The following ITFG1 variants were observed in gnomAD, a reference collection of about 807,000 sequenced individuals.
ITFG1 encodes T-cell immunomodulatory protein.
A neutral mutation model predicts 81.8 loss-of-function variants in ITFG1; 34 were observed. The ratio of observed to expected loss-of-function variants is 0.42; its 90% CI spans 0.32 to 0.55. The LOEUF is 0.55. ITFG1 is among the 20% of genes least tolerant of loss of function. ITFG1 has a pLI of 0.17. For synonymous variants in ITFG1, 285 were observed against 270.6 expected (o/e 1.05, Z -0.52); for missense variants, 672 against 755.4 (o/e 0.89, Z 1.29).
chr16:47,322,449 G>T (rs889802762), intron 8 of ITFG1, among the ~76,000 whole-genome samples: 3 of 152,164 alleles, frequency 2.0e-5, no homozygotes, highest in Non-Finnish European at 4.4e-5. Flanking sequence ...AGCCCTTTGG[G>T]ACACCGAGGT....
chr16:47,356,291 G>A (rs1363642013), intron 8 of ITFG1, among the ~76,000 whole-genome samples: 1 of 152,166 alleles, frequency 6.6e-6, no homozygotes, highest in Admixed American at 6.5e-5. Context: ...CTATTTTTGA[G>A]CATTATGAAA....
At chr16:47,256,682 TAATAATGA>T (rs1441324984) in intron 12 of ITFG1, among the ~76,000 whole-genome samples, 6 of 152,214 alleles carry the variant, frequency 3.9e-5, no homozygotes, top group African/African-American at 9.6e-5. Flanking sequence ...GTGGCTGCAG[TAATAATGA>T]AGATAGGTGA....
At chr16:47,405,877 T>A (rs1313090806) in intron 6 of ITFG1, among the ~76,000 whole-genome samples, 1 of 152,206 alleles carries the variant, frequency 6.6e-6, no homozygotes, top group East Asian at 1.9e-4. Context: ...TAAGTCCTGG[T>A]TCTAATAATA....
At chr16:47,363,458 C>T (rs1021970396) in intron 8 of ITFG1, among the ~76,000 whole-genome samples, 71 of 151,970 alleles carry the variant, frequency 4.7e-4, no homozygotes, top group Non-Finnish European at 9.4e-4. Context: ...CAGCCTTGAC[C>T]CCCTGTGCTC....
chr16:47,222,824 C>CT (rs1304180124), intron 13 of ITFG1, among the ~76,000 whole-genome samples: 2 of 152,156 alleles, frequency 1.3e-5, no homozygotes, highest in African/African-American at 4.8e-5. Flanking sequence ...TTACTTCCAA[C>CT]TATGTGGTCA....
chr16:47,427,588 T>C (rs753686483), intron 6 of ITFG1, among the ~76,000 whole-genome samples: 3 of 151,998 alleles, frequency 2.0e-5, no homozygotes, highest in Non-Finnish European at 4.4e-5. Context: ...ATCGCACCAC[T>C]GCACTACAGC....
chr16:47,353,560 G>T (rs1967996624), intron 8 of ITFG1, among the ~76,000 whole-genome samples: 1 of 152,042 alleles, frequency 6.6e-6, no homozygotes, highest in African/African-American at 2.4e-5. Context: ...GAGCAATTAT[G>T]TGAAAGATAT....
intron 14 of ITFG1, among the ~76,000 whole-genome samples, chr16:47,209,248 C>G (rs1965536361): frequency 6.6e-6 from 1 of 152,112 alleles, no homozygotes; most frequent in African/African-American, 2.4e-5. Context: ...ATCATTGTAA[C>G]TGTAAAATAA....
chr16:47,373,860 A>C (rs1169909823), intron 7 of ITFG1, among the ~76,000 whole-genome samples: 2 of 152,168 alleles, frequency 1.3e-5, no homozygotes, highest in Non-Finnish European at 2.9e-5. Context: ...TTTTTGGCAA[A>C]TTAGTATGTG....
chr16:47,337,286 T>A (rs1233474403), intron 8 of ITFG1, among the ~76,000 whole-genome samples: 1 of 151,608 alleles, frequency 6.6e-6, no homozygotes, highest in African/African-American at 2.4e-5. Context: ...TAAAAAAGAA[T>A]CACAGCCAGG....
At chr16:47,375,089 C>T (rs764465702) in intron 7 of ITFG1, among the ~76,000 whole-genome samples, 12 of 152,150 alleles carry the variant, frequency 7.9e-5, no homozygotes, top group African/African-American at 1.2e-4. Context: ...AATTAAAATT[C>T]GATAAATGCC....
rs1968473180 is a variant in ITFG1 at position 47,387,166 on chromosome 16, G to C, written c.656-11226C>G. Among the ~76,000 whole-genome samples, 8 of 152,312 alleles carry C rather than the reference G, an allele frequency of 5.3e-5. No individual in the cohort carries two copies. In the South Asian group the frequency reaches 1.7e-3, roughly 32 times the overall value. ...AGTGTGATCCAGAAGGAGACAAAGA[G>C]AGCCCTGCTAAAACCACTGTCATAC... is the stretch of plus-strand genomic sequence containing the variant. On this transcript the variant is annotated intron_variant, in intron 6 of 17. Transcript: ENST00000320640.
chr16:47,348,375 T>C (rs1277500048), intron 8 of ITFG1, among the ~76,000 whole-genome samples: 7 of 152,204 alleles, frequency 4.6e-5, no homozygotes, highest in Non-Finnish European at 2.9e-5. Context: ...AAGGACCTGA[T>C]GGAGCTGAAA....
intron 8 of ITFG1, among the ~76,000 whole-genome samples, chr16:47,351,038 C>T (rs759361604): frequency 3.9e-5 from 6 of 152,148 alleles, no homozygotes; most frequent in Non-Finnish European, 7.3e-5. Flanking sequence ...TCTCAATAAA[C>T]TAGGTATTGA....
intron 8 of ITFG1, among the ~76,000 whole-genome samples, chr16:47,349,253 G>T (rs1472741688): frequency 1.3e-5 from 2 of 152,072 alleles, no homozygotes; most frequent in African/African-American, 4.8e-5. Context: ...CCAATTAAAA[G>T]GCACGGACTG....
At chr16:47,329,195 C>A (rs531106942) in intron 8 of ITFG1, among the ~76,000 whole-genome samples, 2 of 151,840 alleles carry the variant, frequency 1.3e-5, no homozygotes, top group African/African-American at 4.8e-5. Flanking sequence ...GGGCAGAAGA[C>A]GAGAATCAAA....
At chr16:47,341,400 G>GAA (rs545419792) in intron 8 of ITFG1, among the ~76,000 whole-genome samples, 4 of 64,320 alleles carry the variant, frequency 6.2e-5, no homozygotes, top group East Asian at 4.9e-4. Flanking sequence ...CTGCGCCACT[G>GAA]AAAAAAAAAA....
intron 14 of ITFG1, among the ~76,000 whole-genome samples, chr16:47,213,243 A>G (rs989817489): frequency 3.9e-5 from 6 of 152,060 alleles, no homozygotes; most frequent in African/African-American, 1.4e-4. Flanking sequence ...TTCTATTTTA[A>G]GTTCATTGTG....
chr16:47,223,593 AG>A (rs1052169245), intron 13 of ITFG1, among the ~76,000 whole-genome samples: 27 of 152,288 alleles, frequency 1.8e-4, no homozygotes, highest in African/African-American at 6.0e-4. Flanking sequence ...GTGGAGAAAT[AG>A]GAACACTTTT....
Sources: gnomAD v4.1 joint callset for allele counts (sites outside exome capture counted in the v4.1 genomes callset) on GRCh38, gnomAD v4.1.1 for gene constraint, MANE v1.5 for transcripts, NCBI Gene and HGNC (gene_info 2026-07-23, HGNC 2026-07-21) for gene names.